The following NRXN3 variants were observed in gnomAD, a reference collection of about 807,000 sequenced individuals.
NRXN3 encodes the protein neurexin III.
NRXN3 carries 32 observed loss-of-function variants against 137.6 expected under a neutral mutation model. The ratio of observed to expected loss-of-function variants is 0.23; its 90% confidence interval spans 0.18 to 0.31. The LOEUF is 0.31. Among genes scored for constraint, NRXN3 ranks in the 10% least tolerant of loss-of-function variants. NRXN3 has a pLI of 1.00. For missense variants in NRXN3, 1,574 were observed against 2,062.5 expected, an observed-to-expected ratio of 0.76 and a Z score of 4.59; for synonymous variants, 798 against 784.5, an observed-to-expected ratio of 1.02 and a Z score of -0.29.
rs1159332002 is a variant in NRXN3 at position 79,133,859 on chromosome 14, G to A, written c.3262+145718G>A. Among the ~76,000 whole-genome samples the A allele has an allele frequency of 4.0e-5, 6 of 151,634 alleles. 1 individual carries two copies. Among genetic ancestry groups the A allele is most frequent in the Admixed American group, 3.9e-4 (6 of 15,234 alleles). On this transcript the variant is annotated intron_variant, in intron 15 of 20. Coordinates refer to ENST00000335750, the MANE Select transcript of NRXN3 (RefSeq NM_001330195.2). ...CAGGAGAATGGCGTGAACCCAGGAG[G>A]TGGAGCTTGCAGTGAGCAGAGATCG...
chr14:79,079,145 C>T (rs2046466191), intron 15 of NRXN3, among the ~76,000 whole-genome samples: 1 of 152,156 alleles, frequency 6.6e-6, no homozygotes. Context: ...TTCAGTTTCA[C>T]ATTCCCTTTC....
At chr14:79,323,179 G>A (rs903089365) in intron 15 of NRXN3, among the ~76,000 whole-genome samples, 5 of 152,144 alleles carry the variant, frequency 3.3e-5, no homozygotes, top group Non-Finnish European at 5.9e-5. Flanking sequence ...GACTGCAGGT[G>A]CATGCAACCA....
chr14:78,678,560 T>C (rs1197454602), intron 6 of NRXN3, among the ~76,000 whole-genome samples: 1 of 152,156 alleles, frequency 6.6e-6, no homozygotes, highest in African/African-American at 2.4e-5. Flanking sequence ...TACTAGGTAT[T>C]GCCAAATTGC....
At chr14:78,829,973 T>C (rs1042593624) in intron 10 of NRXN3, among the ~76,000 whole-genome samples, 35 of 152,166 alleles carry the variant, frequency 2.3e-4, no homozygotes, top group Non-Finnish European at 1.9e-4. Context: ...CTGTGCTCTG[T>C]TAAGAATTGC....
intron 15 of NRXN3, among the ~76,000 whole-genome samples, chr14:79,107,056 T>G (rs2152865702): frequency 6.6e-6 from 1 of 152,280 alleles, no homozygotes; most frequent in Non-Finnish European, 1.5e-5. Context: ...AAAGTAAATT[T>G]ATACTAACTA....
intron 15 of NRXN3, among the ~76,000 whole-genome samples, chr14:79,234,896 G>T (rs988035898): frequency 2.6e-5 from 4 of 152,052 alleles, no homozygotes; most frequent in Non-Finnish European, 5.9e-5. Flanking sequence ...AAAAAATCTA[G>T]GTTGGGGAAA....
In NRXN3 at chr14:79,160,943, G is replaced by T. The variant is rs565853399; in HGVS notation, c.3262+172802G>T. 9.2e-5 allele frequency among the ~76,000 whole-genome samples: 14 copies of T among 152,016 alleles called. No homozygotes were observed. The South Asian group carries it at 2.9e-3, about 31-fold the overall frequency. ...ACTAGCCTGTTTATACAAATAGCTG[G>T]TGTGCTCAGTACAACATAGCAGTGA... On this transcript the variant is annotated intron_variant, in intron 15 of 20. Coordinates refer to ENST00000335750, the MANE Select transcript of NRXN3 (RefSeq NM_001330195.2).
intron 4 of NRXN3, among the ~76,000 whole-genome samples, chr14:78,347,479 A>C (rs2082907519): frequency 1.3e-5 from 2 of 152,330 alleles, no homozygotes; most frequent in South Asian, 4.1e-4. Context: ...GAGACAAGAC[A>C]ATGTATACTT....
At chr14:79,819,726 GC>G (rs1273861114) in intron 20 of NRXN3, among the ~76,000 whole-genome samples, 2 of 151,724 alleles carry the variant, frequency 1.3e-5, no homozygotes, top group East Asian at 3.9e-4. Context: ...CTCGTGATTT[GC>G]CCCCCTCGGC....
chr14:78,906,735 C>T (rs898220273), intron 10 of NRXN3, among the ~76,000 whole-genome samples: 5 of 152,010 alleles, frequency 3.3e-5, no homozygotes, highest in African/African-American at 1.2e-4. Flanking sequence ...TTCATTTTCT[C>T]TGTTTGGTTT....
chr14:79,185,591 G>A (rs1353185284), intron 15 of NRXN3, among the ~76,000 whole-genome samples: 2 of 151,120 alleles, frequency 1.3e-5, no homozygotes, highest in African/African-American at 2.4e-5. Context: ...TCAGCCTCCC[G>A]AGTAGCTGGG....
At chr14:78,690,829 T>C (rs573366215) in intron 6 of NRXN3, among the ~76,000 whole-genome samples, 1 of 152,300 alleles carries the variant, frequency 6.6e-6, no homozygotes, top group East Asian at 1.9e-4. Flanking sequence ...TAGAGAATTT[T>C]AATTTTAGGT....
At chr14:78,844,349 A>G (rs1052148537) in intron 10 of NRXN3, among the ~76,000 whole-genome samples, 1 of 152,126 alleles carries the variant, frequency 6.6e-6, no homozygotes, top group Non-Finnish European at 1.5e-5. Flanking sequence ...CTTTTGCCAT[A>G]TGAGATAACA....
intron 15 of NRXN3, among the ~76,000 whole-genome samples, chr14:79,456,734 A>G (rs1218995944): frequency 6.6e-6 from 1 of 151,954 alleles, no homozygotes; most frequent in Admixed American, 6.6e-5. Flanking sequence ...AAAAGAAAAG[A>G]AAGGAGAAGA....
chr14:78,497,751 T>A (rs1261763042), intron 4 of NRXN3, among the ~76,000 whole-genome samples: 1 of 152,208 alleles, frequency 6.6e-6, no homozygotes, highest in Non-Finnish European at 1.5e-5. Context: ...GTATGTAGCC[T>A]CAGACTGTCT....
intron 16 of NRXN3, among the ~76,000 whole-genome samples, chr14:79,566,149 C>G (rs561509818): frequency 3.9e-5 from 6 of 152,252 alleles, no homozygotes; most frequent in East Asian, 1.9e-4. Context: ...AAATCCTTAG[C>G]AGGCTCTTAC....
intron 15 of NRXN3, among the ~76,000 whole-genome samples, chr14:79,178,506 C>T (rs1342231955): frequency 6.6e-6 from 1 of 152,200 alleles, no homozygotes; most frequent in Non-Finnish European, 1.5e-5. Flanking sequence ...ACAACATTTA[C>T]TTTCATCAAA....
intron 17 of NRXN3, among the ~76,000 whole-genome samples, chr14:79,667,151 C>T (rs1170428426): frequency 1.3e-5 from 2 of 152,000 alleles, no homozygotes; most frequent in Non-Finnish European, 2.9e-5. Context: ...CGTGTCTGGG[C>T]CATCAAACAA....
At chr14:78,607,482 G>A (rs1485927221) in intron 4 of NRXN3, among the ~76,000 whole-genome samples, 1 of 152,050 alleles carries the variant, frequency 6.6e-6, no homozygotes, top group South Asian at 2.1e-4. Flanking sequence ...CCTCTCCTTC[G>A]TCATTGGCCC....
Sources: gnomAD v4.1 joint callset for allele counts (sites outside exome capture counted in the v4.1 genomes callset) on GRCh38, gnomAD v4.1.1 for gene constraint, MANE v1.5 for transcripts, NCBI Gene and HGNC (gene_info 2026-07-23, HGNC 2026-07-21) for gene names.